Variants in USH2A observed in about 807,000 individuals in gnomAD.
USH2A encodes Usher syndrome 2A (autosomal recessive, mild).
Under a neutral mutation model 538.9 loss-of-function variants are expected in USH2A, and 443 were observed. The ratio of observed to expected loss-of-function variants is 0.82; its 90% CI spans 0.76 to 0.89. The LOEUF is 0.89. Ranked by LOEUF, USH2A falls within the 40% of genes least tolerant of loss-of-function variation. The pLI is 0.00. For missense variants in USH2A, 6,633 were observed against 6,324.8 expected (o/e 1.05, Z -1.65); for synonymous variants, 2,413 against 2,273.5 (o/e 1.06, Z -1.75).
chr1:216,090,938 G>A (rs2032286075), intron 22 of USH2A, among the ~76,000 whole-genome samples: 1 of 152,128 alleles, frequency 6.6e-6, no homozygotes, highest in Non-Finnish European at 1.5e-5. Flanking sequence ...GCATTCTAAA[G>A]ATCAGGTGTC....
intron 32 of USH2A, among the ~76,000 whole-genome samples, chr1:216,016,123 C>T (rs1199685534): frequency 7.2e-6 from 1 of 139,808 alleles, no homozygotes; most frequent in Non-Finnish European, 1.5e-5. Context: ...TGTTCTCACT[C>T]ATAGGTGGGA....
chr1:216,354,591 A>G (rs1400249915), intron 4 of USH2A, among the ~76,000 whole-genome samples: 1 of 152,212 alleles, frequency 6.6e-6, no homozygotes, highest in Non-Finnish European at 1.5e-5. Context: ...TAATTTAGAA[A>G]TCAACAGTTT....
intron 21 of USH2A, among the ~76,000 whole-genome samples, chr1:216,126,039 T>G (rs1206534346): frequency 1.3e-5 from 2 of 152,196 alleles, no homozygotes; most frequent in Non-Finnish European, 2.9e-5. Context: ...CCTTTTCCCC[T>G]TATCAAAGTA....
intron 22 of USH2A, 117 bp downstream of exon 22, chr1:216,096,966 T>C (rs1193137546): frequency 2.7e-6 from 3 of 1,093,866 alleles, no homozygotes; most frequent in East Asian, 2.6e-5. Flanking sequence ...GGGATAATAA[T>C]AGTACTTACC....
chr1:215,850,984 A>G (rs776979583), intron 44 of USH2A, among the ~76,000 whole-genome samples: 1 of 152,162 alleles, frequency 6.6e-6, no homozygotes, highest in Non-Finnish European at 1.5e-5. Context: ...ATTAAAAATT[A>G]TTTGAACTGA....
intron 15 of USH2A, among the ~76,000 whole-genome samples, chr1:216,208,650 TG>T (rs2035172332): frequency 6.6e-6 from 1 of 152,166 alleles, no homozygotes; most frequent in African/African-American, 2.4e-5. Context: ...CCCTGAACCC[TG>T]GGTCTAATGA....
intron 21 of USH2A, chr1:216,173,901 T>C (rs1199454720): frequency 1.1e-6 from 1 of 908,370 alleles, no homozygotes; most frequent in East Asian, 1.2e-4. Flanking sequence ...AAAAGAGTTT[T>C]ACTATTATTC....
In USH2A at chr1:215,879,096, G is replaced by A; in HGVS notation, c.8226C>T (p.Val2742=). 1 of 1,612,322 alleles carries A rather than the reference G, an allele frequency of 6.2e-7. No homozygotes were observed. Among genetic ancestry groups the A allele is most frequent in the Non-Finnish European group, 8.5e-7 (1 of 1,178,614 alleles). ...VTVLEPDAVQ[V]TWKPPLIQNG... ...TCTGGATGAGTGGGGGTTTCCAAGT[G>A]ACCTGAAATGAAAGATAAACTTAGA... Residue 2742 remains valine, a splice_region_variant and synonymous_variant, in exon 42 of 72, where the codon GTC becomes GTT. Coordinates refer to ENST00000307340, the MANE Select transcript of USH2A (RefSeq NM_206933.4).
At chr1:215,714,684 T>G (rs2102701230) in intron 61 of USH2A, among the ~76,000 whole-genome samples, 2 of 152,310 alleles carry the variant, frequency 1.3e-5, no homozygotes, top group Non-Finnish European at 1.5e-5. Context: ...AGTTTTCCCT[T>G]CAAATTTTTC....
chr1:216,346,676 G>A (rs1469128533), intron 4 of USH2A, among the ~76,000 whole-genome samples: 1 of 151,478 alleles, frequency 6.6e-6, no homozygotes, highest in East Asian at 1.9e-4. Flanking sequence ...TTGGGATCCA[G>A]AATCTGCTAT....
chr1:216,365,614 C>T (rs77046475), intron 3 of USH2A, among the ~76,000 whole-genome samples: 5,941 of 152,092 alleles, frequency 0.039, 176 homozygotes, highest in Middle Eastern at 0.11. Context: ...AAAAAGTTGC[C>T]AATCATATTC....
chr1:216,072,705 A>G, intron 29 of USH2A, 184 bp downstream of exon 29: 1 of 638,914 alleles, frequency 1.6e-6, no homozygotes, highest in African/African-American at 1.8e-5. Flanking sequence ...ATTCTTGGTA[A>G]ATGAAAAGCA....
rs565040689 is a variant in USH2A, at chr1:215,736,559, A to C, written c.11711+4816T>G. On this transcript the variant is annotated intron_variant, in intron 60 of 71. Coordinates refer to ENST00000307340, the MANE Select transcript of USH2A (RefSeq NM_206933.4). ...TTCCATATTTAGAAATAAGGAGTAG[A>C]GCCATAAAAGTGCTGGAAGAAATAA... Among the ~76,000 whole-genome samples, 3 of 152,200 alleles carry C rather than the reference A, an allele frequency of 2.0e-5. No individual in the cohort carries two copies. In the East Asian group the frequency reaches 5.8e-4, roughly 29 times the overall value.
chr1:215,795,003 T>C (rs1662086154), intron 50 of USH2A, among the ~76,000 whole-genome samples: 1 of 152,204 alleles, frequency 6.6e-6, no homozygotes, highest in Non-Finnish European at 1.5e-5. Context: ...AACAGATGTA[T>C]TTTACTTCAT....
At chr1:215,698,749 A>T (rs1449495612) in intron 61 of USH2A, among the ~76,000 whole-genome samples, 1 of 152,176 alleles carries the variant, frequency 6.6e-6, no homozygotes, top group Non-Finnish European at 1.5e-5. Flanking sequence ...ATAGGTTGCA[A>T]AAATTTTCTC....
intron 41 of USH2A, among the ~76,000 whole-genome samples, chr1:215,884,217 C>G (rs898940700): frequency 1.3e-5 from 2 of 152,074 alleles, no homozygotes; most frequent in Non-Finnish European, 2.9e-5. Flanking sequence ...TACATGTATC[C>G]CAGAACTTAA....
chr1:215,626,965 T>A (rs1410062302), intron 71 of USH2A, among the ~76,000 whole-genome samples: 2 of 152,222 alleles, frequency 1.3e-5, no homozygotes, highest in Non-Finnish European at 2.9e-5. Flanking sequence ...AATATAATTA[T>A]CCCTGCCTTT....
intron 69 of USH2A, among the ~76,000 whole-genome samples, chr1:215,638,415 T>G (rs530169533): frequency 6.6e-6 from 1 of 150,750 alleles, no homozygotes; most frequent in South Asian, 2.1e-4. Context: ...TGGTCAGGAG[T>G]TCGAGACCTC....
intron 55 of USH2A, among the ~76,000 whole-genome samples, chr1:215,776,482 G>T (rs541549591): frequency 5.4e-4 from 82 of 152,050 alleles, no homozygotes; most frequent in Non-Finnish European, 9.8e-4. Flanking sequence ...TGTTTCTAAA[G>T]CTTTGAGGTA....
Sources: allele counts gnomAD v4.1 joint callset (sites outside exome capture counted in the v4.1 genomes callset), GRCh38; gene constraint gnomAD v4.1.1; transcripts MANE v1.5; gene names NCBI Gene and HGNC (gene_info 2026-07-23, HGNC 2026-07-21).